Variants in UBE2E3 observed in about 807,000 individuals in gnomAD.
UBE2E3 encodes the protein ubiquitin conjugating enzyme E2 E3.
In UBE2E3, 5 loss-of-function variants were observed where a neutral mutation model predicts 23.6. The observed-to-expected ratio is 0.21, with a 90% confidence interval of 0.11 to 0.44. The LOEUF (loss-of-function observed/expected upper bound fraction) is 0.44, where lower values mean the gene tolerates loss of function less well. Among genes scored for constraint, UBE2E3 ranks in the 20% least tolerant of loss-of-function variants. The probability of loss-of-function intolerance (pLI) is 0.99; values close to 1 mark genes in which losing one functional copy is unlikely to be tolerated. For synonymous variants in UBE2E3, 78 were observed against 87.5 expected (o/e 0.89, Z 0.60); for missense variants, 81 against 249.8 (o/e 0.32, Z 4.55).
chr2:181,061,606 A>G (rs1231705290), intron 5 of UBE2E3, among the ~76,000 whole-genome samples: 1 of 151,528 alleles, frequency 6.6e-6, no homozygotes, highest in Non-Finnish European at 1.5e-5. Context: ...ATGATAGCCA[A>G]TGAGAATTGA....
At chr2:181,010,811 C>CTTT (rs574359411) in intron 3 of UBE2E3, among the ~76,000 whole-genome samples, 5 of 143,154 alleles carry the variant, frequency 3.5e-5, no homozygotes, top group African/African-American at 1.0e-4. Flanking sequence ...ATATCCTCCT[C>CTTT]TTTTTTTTTT....
At chr2:181,044,059 T>G (rs1191984605) in intron 3 of UBE2E3, among the ~76,000 whole-genome samples, 1 of 152,172 alleles carries the variant, frequency 6.6e-6, no homozygotes, top group Admixed American at 6.6e-5. Context: ...AAATGACTCT[T>G]GATACATGTG....
At chr2:181,013,747 C>G (rs976118648) in intron 3 of UBE2E3, among the ~76,000 whole-genome samples, 1 of 152,086 alleles carries the variant, frequency 6.6e-6, no homozygotes, top group Non-Finnish European at 1.5e-5. Flanking sequence ...TTGACCTAGG[C>G]TTGGAATTCA....
intron 3 of UBE2E3, among the ~76,000 whole-genome samples, chr2:181,018,781 A>G (rs925297146): frequency 2.6e-5 from 4 of 151,896 alleles, no homozygotes; most frequent in African/African-American, 9.7e-5. Flanking sequence ...AATATGTATA[A>G]TTATTTTCTT....
intron 3 of UBE2E3, among the ~76,000 whole-genome samples, chr2:181,039,405 C>T (rs1225533125): frequency 1.3e-5 from 2 of 151,944 alleles, no homozygotes; most frequent in Non-Finnish European, 2.9e-5. Context: ...GACGAGCATT[C>T]TGGCTCCTGG....
chr2:181,020,844 A>G (rs543762835), intron 3 of UBE2E3, among the ~76,000 whole-genome samples: 3 of 152,354 alleles, frequency 2.0e-5, no homozygotes, highest in African/African-American at 7.2e-5. Context: ...TTTCCCTGAC[A>G]TGGGTAAATC....
At chr2:181,018,853 TA>T (rs1429816672) in intron 3 of UBE2E3, among the ~76,000 whole-genome samples, 2 of 152,188 alleles carry the variant, frequency 1.3e-5, no homozygotes, top group Non-Finnish European at 2.9e-5. Context: ...ATTTTCCTCA[TA>T]AACAATTACC....
intron 3 of UBE2E3, among the ~76,000 whole-genome samples, chr2:181,001,745 G>T (rs981389168): frequency 6.6e-6 from 1 of 152,270 alleles, no homozygotes; most frequent in South Asian, 2.1e-4. Context: ...AGTTGTGGTG[G>T]TTATAGAGAC....
chr2:181,018,676 G>A (rs955563852), intron 3 of UBE2E3, among the ~76,000 whole-genome samples: 2 of 150,542 alleles, frequency 1.3e-5, no homozygotes, highest in African/African-American at 4.9e-5. Context: ...AGGAGTTAGG[G>A]TTTCTTCCTC....
chr2:181,048,734 TA>T (rs1366402967), intron 3 of UBE2E3, among the ~76,000 whole-genome samples: 1 of 152,114 alleles, frequency 6.6e-6, no homozygotes, highest in Non-Finnish European at 1.5e-5. Flanking sequence ...TGATTCTTTC[TA>T]AAACACTCAG....
intron 3 of UBE2E3, chr2:180,987,269 T>G (rs79974548): frequency 0.27 from 404,461 of 1,500,944 alleles, 57,203 homozygotes; most frequent in Non-Finnish European, 0.29. Context: ...TTTGTATTTA[T>G]TGAGAATTGT....
chr2:181,024,436 TC>T (rs1249134333), intron 3 of UBE2E3, among the ~76,000 whole-genome samples: 1 of 152,144 alleles, frequency 6.6e-6, no homozygotes, highest in Non-Finnish European at 1.5e-5. Context: ...GAAACTGAGT[TC>T]CAGTCATCAT....
chr2:181,034,709 G>C lies in UBE2E3; in HGVS notation c.246-22984G>C, dbSNP rs182035073. ...ATTAAAAAGAAATTTCCTGGAACTA[G>C]CATGTCAGAATACCATTTTATGTCC... is the stretch of plus-strand genomic sequence containing the variant. On this transcript the variant is annotated intron_variant, in intron 3 of 5. Coordinates refer to ENST00000410062, the MANE Select transcript of UBE2E3 (RefSeq NM_006357.4). 9.9e-5 allele frequency among the ~76,000 whole-genome samples: 15 copies of C among 152,030 alleles called. No homozygotes were observed. The East Asian group carries it at 2.9e-3, about 29-fold the overall frequency.
chr2:181,044,746 A>T (rs763927163), intron 3 of UBE2E3, among the ~76,000 whole-genome samples: 3 of 152,090 alleles, frequency 2.0e-5, no homozygotes, highest in Admixed American at 2.0e-4. Flanking sequence ...GTCCCTGTGA[A>T]TGGTTCTTAC....
Position 181,052,720 on chromosome 2 carries a change from AATC to A in UBE2E3, c.246-4970_246-4968del, listed in dbSNP as rs552180872. Reference sequence around the variant, plus strand: ...GTTTACCTCCCAGTTTGTAGTTTCTAATCATATCAAGACCTAGTTTTTAATCAC... The same window carrying A: ...GTTTACCTCCCAGTTTGTAGTTTCTAATATCAAGACCTAGTTTTTAATCAC... On this transcript the variant is annotated intron_variant, in intron 3 of 5. Transcript: ENST00000410062. Among the ~76,000 whole-genome samples, 602 of 151,900 alleles carry A rather than the reference AATC, an allele frequency of 4.0e-3. 1 individual carries two copies. The highest frequency in any genetic ancestry group is 0.01 in the Middle Eastern group (3 of 294).
rs370441269 is a variant in UBE2E3 at position 181,057,679 on chromosome 2, T to A, written c.246-14T>A. On this transcript the variant is annotated splice_polypyrimidine_tract_variant and intron_variant, in intron 3 of 5. Transcript: ENST00000410062. Reference sequence around the variant, plus strand: ...AATATATGTACATACTGATTTTTAATTTCTTTTAAATAGTGCTGGGCCTAA... The same window carrying A: ...AATATATGTACATACTGATTTTTAAATTCTTTTAAATAGTGCTGGGCCTAA... The A allele has an allele frequency of 2.5e-6, 4 of 1,597,876 alleles. No homozygotes were observed. Among genetic ancestry groups the A allele is most frequent in the Non-Finnish European group, 3.4e-6 (4 of 1,169,960 alleles).
At chr2:181,007,807 G>A (rs1685199137) in intron 3 of UBE2E3, among the ~76,000 whole-genome samples, 2 of 152,192 alleles carry the variant, frequency 1.3e-5, no homozygotes, top group Admixed American at 6.5e-5. Context: ...TCTGCCACAT[G>A]TGGGAAATCG....
At chr2:181,056,081 T>TAAAA (rs58442227) in intron 3 of UBE2E3, among the ~76,000 whole-genome samples, 1 of 135,676 alleles carries the variant, frequency 7.4e-6, no homozygotes. Context: ...AGGAAATGCT[T>TAAAA]AAAAAAAAAA....
At chr2:181,023,131 C>T (rs62180132) in intron 3 of UBE2E3, among the ~76,000 whole-genome samples, 35,345 of 152,052 alleles carry the variant, frequency 0.23, 4,477 homozygotes, top group Non-Finnish European at 0.28. Context: ...ACAGTGGGGC[C>T]GCGCCCCAAT....
Sources: allele counts gnomAD v4.1 joint callset (sites outside exome capture counted in the v4.1 genomes callset), GRCh38; gene constraint gnomAD v4.1.1; transcripts MANE v1.5; gene names NCBI Gene and HGNC (gene_info 2026-07-23, HGNC 2026-07-21).